AGBL4: variants seen among roughly 807,000 people sequenced by gnomAD.
The protein encoded by AGBL4 is AGBL carboxypeptidase 4, also known as cytosolic carboxypeptidase 6.
A neutral mutation model predicts 66.4 loss-of-function variants in AGBL4; 58 were observed. That is an observed-to-expected ratio of 0.87 (90% CI 0.71 to 1.09). AGBL4 has a LOEUF of 1.09. Among genes scored for constraint, AGBL4 ranks in the 50% least tolerant of loss-of-function variants. AGBL4 has a pLI of 0.00. For missense variants in AGBL4, 579 were observed against 631.0 expected, an observed-to-expected ratio of 0.92 and a Z score of 0.88; for synonymous variants, 234 against 222.9, an observed-to-expected ratio of 1.05 and a Z score of -0.44.
intron 2 of AGBL4, chr1:49,846,442 C>T (rs2148052083): frequency 1.5e-6 from 2 of 1,374,552 alleles, no homozygotes; most frequent in South Asian, 2.6e-5. Context: ...GACCTTAAGA[C>T]ATAGCTCATC....
At chr1:49,846,669 C>G (rs574350866) in intron 2 of AGBL4, among the ~76,000 whole-genome samples, 6 of 152,134 alleles carry the variant, frequency 3.9e-5, no homozygotes, top group Admixed American at 3.3e-4. Flanking sequence ...AAGGAGGCAA[C>G]CCCATTTACA....
chr1:49,257,699 C>T (rs1325108034), intron 3 of AGBL4, among the ~76,000 whole-genome samples: 4 of 152,224 alleles, frequency 2.6e-5, no homozygotes, highest in Non-Finnish European at 5.9e-5. Context: ...CTGTCTGGCA[C>T]TCCCCAGTGA....
chr1:49,479,655 G>A (rs1048849668), intron 3 of AGBL4, among the ~76,000 whole-genome samples: 3 of 150,558 alleles, frequency 2.0e-5, no homozygotes, highest in Non-Finnish European at 4.4e-5. Context: ...TTTTATAGCT[G>A]CACAGCATTT....
At chr1:49,483,436 C>T (rs1173322561) in intron 3 of AGBL4, among the ~76,000 whole-genome samples, 1 of 151,948 alleles carries the variant, frequency 6.6e-6, no homozygotes, top group African/African-American at 2.4e-5. Context: ...CAATCCCTCT[C>T]AAAATACCAA....
chr1:48,589,110 C>G (rs773961883), intron 10 of AGBL4, among the ~76,000 whole-genome samples: 12 of 152,178 alleles, frequency 7.9e-5, no homozygotes, highest in Non-Finnish European at 1.6e-4. Flanking sequence ...ACAGGGCCAT[C>G]CTATAGAGAT....
chr1:48,571,128 GA>G (rs1367832446), intron 11 of AGBL4, among the ~76,000 whole-genome samples: 1 of 152,172 alleles, frequency 6.6e-6, no homozygotes, highest in African/African-American at 2.4e-5. Context: ...CCACAACCCT[GA>G]AAAGTTTGTA....
chr1:48,876,278 G>A (rs1048507455), intron 5 of AGBL4, among the ~76,000 whole-genome samples: 2 of 152,258 alleles, frequency 1.3e-5, no homozygotes. Context: ...AAGAGGACTG[G>A]ATAAACAGCT....
At chr1:49,116,737 G>A (rs556514374) in intron 4 of AGBL4, among the ~76,000 whole-genome samples, 1 of 152,312 alleles carries the variant, frequency 6.6e-6, no homozygotes, top group South Asian at 2.1e-4. Flanking sequence ...TATATACCCA[G>A]TAATGGGATT....
At chr1:49,631,913 G>A (rs1487669782) in intron 3 of AGBL4, among the ~76,000 whole-genome samples, 1 of 152,182 alleles carries the variant, frequency 6.6e-6, no homozygotes, top group Admixed American at 6.5e-5. Flanking sequence ...GTCATTGGCT[G>A]GAAGCAACCT....
intron 3 of AGBL4, among the ~76,000 whole-genome samples, chr1:49,378,845 C>A (rs978234881): frequency 3.3e-5 from 5 of 152,110 alleles, no homozygotes; most frequent in Non-Finnish European, 5.9e-5. Flanking sequence ...ATTACCCTTA[C>A]CATACTCAGT....
At chr1:48,706,742 C>A (rs1646886524) in intron 6 of AGBL4, among the ~76,000 whole-genome samples, 1 of 152,174 alleles carries the variant, frequency 6.6e-6, no homozygotes, top group South Asian at 2.1e-4. Context: ...TAAATGAATG[C>A]ATCAATGACT....
chr1:49,992,746 T>C lies in AGBL4; in HGVS notation c.34+31017A>G, dbSNP rs1381434231. ...ATCCTTTTTGTATCCATCCAATTGC[T>C]CTGCCAGGCAGACAAGCTCCCTTAC... On this transcript the variant is annotated intron_variant, in intron 1 of 13. Coordinates refer to ENST00000371839, the MANE Select transcript of AGBL4 (RefSeq NM_032785.4). Among the ~76,000 whole-genome samples, 5 of 152,276 alleles carry C rather than the reference T, an allele frequency of 3.3e-5. No homozygotes were observed. The East Asian group carries it at 7.7e-4, about 24-fold the overall frequency.
chr1:49,250,619 C>A (rs903244219), intron 3 of AGBL4, among the ~76,000 whole-genome samples: 1 of 151,632 alleles, frequency 6.6e-6, no homozygotes, highest in Non-Finnish European at 1.5e-5. Context: ...AATTTTTGTA[C>A]TTTTAGTAGA....
chr1:48,700,486 A>G (rs1646784446), intron 6 of AGBL4, among the ~76,000 whole-genome samples: 1 of 152,232 alleles, frequency 6.6e-6, no homozygotes, highest in Non-Finnish European at 1.5e-5. Flanking sequence ...TTAAGAGGAA[A>G]TTAGCCTCAA....
In AGBL4 at chr1:49,448,408, T is replaced by C. The variant is rs375449478; in HGVS notation, c.283-202544A>G. Among the ~76,000 whole-genome samples, 15 of 152,318 alleles carry C rather than the reference T, an allele frequency of 9.8e-5. No homozygotes were observed. In the South Asian group the frequency reaches 2.9e-3, roughly 29 times the overall value. On this transcript the variant is annotated intron_variant, in intron 3 of 13. Transcript: ENST00000371839. ...GCAGGGTTCCATTCTATATGGCTTA[T>C]ACTTCAAAGAGAAAGAGAAACTTGT...
chr1:49,590,854 G>A (rs1256877924), intron 3 of AGBL4, among the ~76,000 whole-genome samples: 1 of 151,946 alleles, frequency 6.6e-6, no homozygotes. Flanking sequence ...TTAGCTATGA[G>A]TACAGAAATA....
At chr1:49,684,530 A>C (rs190093433) in intron 3 of AGBL4, among the ~76,000 whole-genome samples, 2 of 152,272 alleles carry the variant, frequency 1.3e-5, no homozygotes, top group African/African-American at 4.8e-5. Context: ...AGCTCATATT[A>C]GTTTTCTTCA....
intron 1 of AGBL4, among the ~76,000 whole-genome samples, chr1:49,937,380 C>T (rs1423120207): frequency 2.6e-5 from 4 of 151,970 alleles, no homozygotes; most frequent in Admixed American, 2.6e-4. Context: ...GACTCCCACA[C>T]AATAATAATG....
intron 4 of AGBL4, among the ~76,000 whole-genome samples, chr1:49,110,005 T>C (rs1403667109): frequency 6.6e-6 from 1 of 152,222 alleles, no homozygotes; most frequent in African/African-American, 2.4e-5. Flanking sequence ...CATTCTACCC[T>C]GTCTACAATC....
Sources: gnomAD v4.1 joint callset for allele counts (sites outside exome capture counted in the v4.1 genomes callset) on GRCh38, gnomAD v4.1.1 for gene constraint, MANE v1.5 for transcripts, NCBI Gene and HGNC (gene_info 2026-07-23, HGNC 2026-07-21) for gene names.